Variants in ZCWPW2 observed in about 807,000 individuals in gnomAD.
ZCWPW2 encodes the protein zinc finger CW-type PWWP domain protein 2.
In ZCWPW2, 45 loss-of-function variants were observed where a neutral mutation model predicts 46.6. The observed-to-expected ratio is 0.96, with a 90% CI of 0.76 to 1.24. ZCWPW2 has a LOEUF of 1.24. ZCWPW2 is among the 50% of genes most tolerant of loss of function. The pLI is 0.00. For missense variants in ZCWPW2, 429 were observed against 403.9 expected, an observed-to-expected ratio of 1.06 and a Z score of -0.53; for synonymous variants, 152 against 137.1, an observed-to-expected ratio of 1.11 and a Z score of -0.76.
At chr3:28,375,119 G>A (rs1306843466) in intron 1 of ZCWPW2, among the ~76,000 whole-genome samples, 13 of 149,216 alleles carry the variant, frequency 8.7e-5, no homozygotes, top group African/African-American at 3.2e-4. Flanking sequence ...GATTTTTACT[G>A]TATTTTTCCT....
At chr3:28,369,793 G>A (rs1331879186) in intron 1 of ZCWPW2, among the ~76,000 whole-genome samples, 1 of 152,192 alleles carries the variant, frequency 6.6e-6, no homozygotes, top group East Asian at 1.9e-4. Context: ...CTTGAGCTGA[G>A]GTGGGCTCCA....
intron 3 of ZCWPW2, among the ~76,000 whole-genome samples, chr3:28,420,667 G>A (rs975956299): frequency 4.0e-5 from 6 of 150,372 alleles, no homozygotes; most frequent in African/African-American, 1.5e-4. Flanking sequence ...ATCTTTGTAA[G>A]GCCATGCTGC....
At chr3:28,349,839 T>G (rs1704469603) in intron 1 of ZCWPW2, among the ~76,000 whole-genome samples, 1 of 152,244 alleles carries the variant, frequency 6.6e-6, no homozygotes, top group Non-Finnish European at 1.5e-5. Context: ...TCTGTCCGCT[T>G]AACTATCAGC....
chr3:28,436,323 CTTTT>C (rs71087698), intron 4 of ZCWPW2, among the ~76,000 whole-genome samples: 1 of 116,838 alleles, frequency 8.6e-6, no homozygotes. Context: ...TCTTTTTTTT[CTTTT>C]TTTTTTTTTT....
chr3:28,381,140 G>A (rs1695091463), intron 1 of ZCWPW2, among the ~76,000 whole-genome samples: 1 of 143,546 alleles, frequency 7.0e-6, no homozygotes, highest in African/African-American at 2.6e-5. Context: ...AAGGATGGCA[G>A]ATGGGGAAGT....
In ZCWPW2 at chr3:28,413,372, G is replaced by A. The variant is rs376556276; in HGVS notation, c.304G>A (p.Val102Ile). The change falls in exon 3 of 10, where the codon GTT (valine) becomes ATT (isoleucine). Residue 102 changes from valine (V) to isoleucine (I), a missense_variant. Transcript: ENST00000383768. ...VYSQLPLGSL[V>I]LVKLQNWPSW... ...TTCACAGCTCCCTCTTGGAAGCCTG[G>A]TTTTGGTAAAATTACAGAATTGGCC... is the stretch of plus-strand genomic sequence containing the variant. The A allele has an allele frequency of 2.5e-6, 4 of 1,608,554 alleles. No individual in the cohort carries two copies. In the African/African-American group the frequency reaches 4.0e-5, roughly 16 times the overall value.
At chr3:28,396,843 A>G (rs912678628) in intron 2 of ZCWPW2, among the ~76,000 whole-genome samples, 1 of 152,150 alleles carries the variant, frequency 6.6e-6, no homozygotes, top group Non-Finnish European at 1.5e-5. Context: ...AAATTCTAGT[A>G]TTGGGCTGGG....
At chr3:28,488,098 G>A (rs1416936239) in intron 5 of ZCWPW2, among the ~76,000 whole-genome samples, 1 of 152,104 alleles carries the variant, frequency 6.6e-6, no homozygotes, top group Non-Finnish European at 1.5e-5. Context: ...ACCTGGTAGA[G>A]CTCCTACACG....
At chr3:28,370,973 C>G (rs540273165) in intron 1 of ZCWPW2, among the ~76,000 whole-genome samples, 3 of 152,144 alleles carry the variant, frequency 2.0e-5, no homozygotes, top group African/African-American at 4.8e-5. Context: ...CTCAGGTGAT[C>G]CGCCTGCCTC....
intron 4 of ZCWPW2, among the ~76,000 whole-genome samples, chr3:28,451,004 A>G (rs1027086946): frequency 1.3e-5 from 2 of 152,170 alleles, no homozygotes; most frequent in Non-Finnish European, 2.9e-5. Context: ...AAAGTGATGA[A>G]TATCACTTGT....
Position 28,492,158 on chromosome 3 carries a change from A to G in ZCWPW2, c.642A>G (p.Ala214=), listed in dbSNP as rs745484608. ...CCGAAACACATGACAAAGTTGCTGC[A>G]CTGGTCAAGAAAAGGGTAAGATTGT... ...DKSETHDKVA[A]LVKKRKQTSK... is the part of the protein sequence containing the mutation. The change falls in exon 6 of 10, where the codon GCA becomes GCG. Residue 214 remains alanine, a synonymous_variant. Coordinates refer to ENST00000383768, the MANE Select transcript of ZCWPW2 (RefSeq NM_001040432.4). 6 of 1,608,802 alleles carry G rather than the reference A, an allele frequency of 3.7e-6. No individual in the cohort carries two copies. Among genetic ancestry groups the G allele is most frequent in the Non-Finnish European group, 5.1e-6 (6 of 1,177,784 alleles).
chr3:28,521,279 A>T (rs1188662424), intron 9 of ZCWPW2, among the ~76,000 whole-genome samples, 163 bp downstream of exon 9: 17 of 152,230 alleles, frequency 1.1e-4, no homozygotes. Flanking sequence ...TAACCTGTTA[A>T]GAAATCAAAA....
At chr3:28,436,863 C>T (rs1044656541) in intron 4 of ZCWPW2, among the ~76,000 whole-genome samples, 7 of 152,126 alleles carry the variant, frequency 4.6e-5, no homozygotes, top group East Asian at 1.9e-4. Flanking sequence ...ATAAAGGATA[C>T]GGGAATCTTT....
At chr3:28,448,114 A>G in intron 4 of ZCWPW2, 1 of 203,582 alleles carries the variant, frequency 4.9e-6, no homozygotes, top group Admixed American at 5.3e-5. Context: ...AAAAATTAAA[A>G]GGCTTAAAAA....
chr3:28,478,718 C>A, intron 4 of ZCWPW2, 96 bp from the exon 5 acceptor site: 1 of 527,424 alleles, frequency 1.9e-6, no homozygotes, highest in South Asian at 5.3e-5. Flanking sequence ...TTATACAATG[C>A]TCCAAATTAG....
At chr3:28,382,078 C>G (rs1695125828) in intron 1 of ZCWPW2, among the ~76,000 whole-genome samples, 1 of 147,892 alleles carries the variant, frequency 6.8e-6, no homozygotes, top group Non-Finnish European at 1.5e-5. Flanking sequence ...GGGAGAATCG[C>G]TTGAACCTGG....
chr3:28,353,747 T>C (rs902460864), intron 1 of ZCWPW2, among the ~76,000 whole-genome samples: 2 of 152,244 alleles, frequency 1.3e-5, no homozygotes, highest in Non-Finnish European at 2.9e-5. Context: ...GTGATTTTTC[T>C]GGCAGAAACA....
chr3:28,439,932 C>G (rs1339540916), intron 4 of ZCWPW2, among the ~76,000 whole-genome samples: 1 of 152,204 alleles, frequency 6.6e-6, no homozygotes, highest in Non-Finnish European at 1.5e-5. Flanking sequence ...CCTTCTTCTA[C>G]TACCCATTCT....
At position 28,435,237 on chromosome 3, in the gene ZCWPW2, A is replaced by G. The variant is rs776455892; in HGVS notation, c.460A>G (p.Thr154Ala). Reference sequence around the variant, plus strand: ...CCATTCAAGATCATGGATAAAGGCAACATTCGTTGGACATTATAGTATCAC... The same window carrying G: ...CCATTCAAGATCATGGATAAAGGCAGCATTCGTTGGACATTATAGTATCAC... Reference protein sequence around the residue: ...DPHSRSWIKATFVGHYSITLK... With the variant: ...DPHSRSWIKAAFVGHYSITLK... The change falls in exon 4 of 10, where the codon ACA becomes GCA. Residue 154 changes from threonine to alanine, a missense_variant. By Grantham distance (58) the Thr-to-Ala change is moderately conservative. Coordinates refer to ENST00000383768, the MANE Select transcript of ZCWPW2 (RefSeq NM_001040432.4). 6.2e-7 allele frequency: 1 copy of G among 1,613,326 alleles called. No homozygotes were observed. The highest frequency in any genetic ancestry group is 1.7e-5 in the Admixed American group (1 of 59,742).
Sources: allele counts gnomAD v4.1 joint callset (sites outside exome capture counted in the v4.1 genomes callset), GRCh38; gene constraint gnomAD v4.1.1; transcripts MANE v1.5; gene names NCBI Gene and HGNC (gene_info 2026-07-23, HGNC 2026-07-21).